PDE8A: variants seen among roughly 807,000 people sequenced by gnomAD.
PDE8A encodes the protein high affinity cAMP-specific and IBMX-insensitive 3',5'-cyclic phosphodiesterase 8A.
In PDE8A, 59 loss-of-function variants were observed where a neutral mutation model predicts 105.0. The ratio of observed to expected loss-of-function variants is 0.56; its 90% CI spans 0.46 to 0.70. The LOEUF (loss-of-function observed/expected upper bound fraction) is 0.70. Among genes scored for constraint, PDE8A ranks in the 30% least tolerant of loss-of-function variants. The probability of loss-of-function intolerance (pLI) is 0.00; values close to 1 mark genes in which losing one functional copy is unlikely to be tolerated. For missense variants in PDE8A, 1,014 were observed against 1,045.9 expected, an observed-to-expected ratio of 0.97 and a Z score of 0.42; for synonymous variants, 355 against 371.9, an observed-to-expected ratio of 0.95 and a Z score of 0.52.
chr15:85,119,090 A>C (rs1206868810), intron 17 of PDE8A, among the ~76,000 whole-genome samples: 3 of 152,226 alleles, frequency 2.0e-5, no homozygotes, highest in Non-Finnish European at 4.4e-5. Context: ...ATGGCTCAGC[A>C]TATAAAGAAC....
intron 1 of PDE8A, among the ~76,000 whole-genome samples, chr15:85,011,002 A>C (rs1376726719): frequency 1.3e-5 from 2 of 152,190 alleles, no homozygotes; most frequent in African/African-American, 4.8e-5. Flanking sequence ...CCTGGAAGTT[A>C]GTTTCAGAGT....
At chr15:84,996,823 CAAAAAAAA>C (rs34363361) in intron 1 of PDE8A, among the ~76,000 whole-genome samples, 3 of 53,824 alleles carry the variant, frequency 5.6e-5, no homozygotes, top group East Asian at 9.8e-4. Flanking sequence ...AAGACTCTCT[CAAAAAAAA>C]AAAAAAAAAA....
At chr15:85,036,957 A>G (rs868595045) in intron 1 of PDE8A, among the ~76,000 whole-genome samples, 17 of 151,574 alleles carry the variant, frequency 1.1e-4, no homozygotes, top group African/African-American at 3.2e-4. Context: ...AACAGTCCCC[A>G]CCCCCAGCTT....
chr15:85,059,903 G>A (rs572157062), intron 1 of PDE8A, among the ~76,000 whole-genome samples: 36 of 152,170 alleles, frequency 2.4e-4, no homozygotes, highest in Non-Finnish European at 4.7e-4. Flanking sequence ...AGCTACTCGG[G>A]AGACTGAAGT....
chr15:85,138,008 C>G lies in PDE8A; in HGVS notation c.*105C>G, dbSNP rs2082440125. 2.9e-6 allele frequency: 2 copies of G among 689,364 alleles called. No individual in the cohort carries two copies. Among genetic ancestry groups the G allele is most frequent in the Non-Finnish European group, 5.2e-6 (2 of 386,918 alleles). 42.7% of individuals were successfully genotyped at this position (689,364 alleles called of 1,614,324 possible). A position where few individuals can be genotyped will look rare whatever the true frequency, so the allele number is the denominator to read the frequency against. ...CCTTTCAGTACTAGGCAGAACAGCC[C>G]CCGATCTGCATAGCCTGTGAAAGCC... On this transcript the variant is annotated 3_prime_UTR_variant, in exon 22 of 22. Coordinates refer to ENST00000394553, the MANE Select transcript of PDE8A (RefSeq NM_002605.3).
At chr15:85,009,581 C>G (rs1291719271) in intron 1 of PDE8A, among the ~76,000 whole-genome samples, 1 of 152,136 alleles carries the variant, frequency 6.6e-6, no homozygotes, top group Non-Finnish European at 1.5e-5. Flanking sequence ...TTTTCCTGGC[C>G]AGTTTTCATC....
At chr15:84,986,672 G>A (rs1354880771) in intron 1 of PDE8A, among the ~76,000 whole-genome samples, 1 of 151,704 alleles carries the variant, frequency 6.6e-6, no homozygotes, top group African/African-American at 2.4e-5. Flanking sequence ...GAGTGCAGTG[G>A]CACAACCATG....
At position 85,102,623 on chromosome 15, in the gene PDE8A, CT is replaced by C. The variant is rs60808514; in HGVS notation, c.1036+2426del. Among the ~76,000 whole-genome samples the C allele has an allele frequency of 5.1e-3, 777 of 151,266 alleles. 2 individuals carry two copies. The highest frequency in any genetic ancestry group is 0.016 in the African/African-American group (673 of 41,224). On this transcript the variant is annotated intron_variant, in intron 11 of 21. Coordinates refer to ENST00000394553, the MANE Select transcript of PDE8A (RefSeq NM_002605.3). Reference sequence around the variant, plus strand: ...TGGGAGGCTGAGGCAGGCAGATCACCTGAGGTCGGGAGTTGAGAGCAGCCTG... The same window carrying C: ...TGGGAGGCTGAGGCAGGCAGATCACCGAGGTCGGGAGTTGAGAGCAGCCTG...
chr15:85,043,680 TTTTGTTTGTTTGTTTG>T (rs148058433), intron 1 of PDE8A, among the ~76,000 whole-genome samples: 2 of 150,122 alleles, frequency 1.3e-5, no homozygotes, highest in Non-Finnish European at 3.0e-5. Flanking sequence ...ATTAATGGTT[TTTTGTTTGTTTGTTTG>T]TTTGTTTGTT....
In PDE8A at chr15:85,051,902, G is replaced by A. The variant is rs189141243; in HGVS notation, c.187-12468G>A. Reference sequence around the variant, plus strand: ...TTTGTTACATATGTATACATGTGCCGTGCTGGTGTGCTGCACCCGTTAACT... The same window carrying A: ...TTTGTTACATATGTATACATGTGCCATGCTGGTGTGCTGCACCCGTTAACT... On this transcript the variant is annotated intron_variant, in intron 1 of 21. Coordinates refer to ENST00000394553, the MANE Select transcript of PDE8A (RefSeq NM_002605.3). 1.4e-4 allele frequency among the ~76,000 whole-genome samples: 22 copies of A among 152,018 alleles called. No individual in the cohort carries two copies. In the East Asian group the frequency reaches 3.3e-3, roughly 23 times the overall value.
chr15:85,113,509 A>C, intron 13 of PDE8A, 62 bp downstream of exon 13: 1 of 1,394,878 alleles, frequency 7.2e-7, no homozygotes, highest in Non-Finnish European at 1.0e-6. Flanking sequence ...CCCAAGGATC[A>C]TTTCCAATGA....
At chr15:84,993,589 T>C (rs893020542) in intron 1 of PDE8A, among the ~76,000 whole-genome samples, 5 of 150,396 alleles carry the variant, frequency 3.3e-5, no homozygotes, top group African/African-American at 9.8e-5. Context: ...AATTAAAAAC[T>C]TTTTTGGGCT....
intron 1 of PDE8A, among the ~76,000 whole-genome samples, chr15:84,993,442 C>CAAA (rs11362736): frequency 0.11 from 8,137 of 72,952 alleles, 846 homozygotes; most frequent in African/African-American, 0.26. Context: ...GACTCCATCT[C>CAAA]AAAAAAAAAA....
At chr15:85,067,557 T>G (rs1297839021) in intron 3 of PDE8A, among the ~76,000 whole-genome samples, 1 of 152,236 alleles carries the variant, frequency 6.6e-6, no homozygotes, top group Non-Finnish European at 1.5e-5. Context: ...TCTTTTAATG[T>G]TCGATGAATG....
intron 1 of PDE8A, among the ~76,000 whole-genome samples, chr15:85,040,067 A>G (rs2080776062): frequency 6.6e-6 from 1 of 152,258 alleles, no homozygotes; most frequent in Non-Finnish European, 1.5e-5. Flanking sequence ...GTATATTTCA[A>G]AATAGCTAAG....
intron 20 of PDE8A, among the ~76,000 whole-genome samples, chr15:85,129,075 G>A (rs566691484): frequency 2.6e-5 from 4 of 152,144 alleles, no homozygotes; most frequent in East Asian, 3.9e-4. Context: ...CTTCATGTGC[G>A]GAACCAATCT....
At chr15:85,126,971 G>T (rs967537580) in intron 20 of PDE8A, among the ~76,000 whole-genome samples, 1 of 152,142 alleles carries the variant, frequency 6.6e-6, no homozygotes, top group Non-Finnish European at 1.5e-5. Context: ...GCTTTGGGAG[G>T]ATCACTTGAG....
chr15:85,042,332 G>T (rs1468809469), intron 1 of PDE8A, among the ~76,000 whole-genome samples: 1 of 152,030 alleles, frequency 6.6e-6, no homozygotes, highest in Non-Finnish European at 1.5e-5. Flanking sequence ...GTACCACCGT[G>T]CCCAGCTAAT....
chr15:85,093,658 C>T (rs921086690), intron 8 of PDE8A, among the ~76,000 whole-genome samples: 3 of 152,216 alleles, frequency 2.0e-5, no homozygotes, highest in African/African-American at 7.2e-5. Context: ...CCATTGTTGT[C>T]AGTGGCTCCT....
Sources: allele counts gnomAD v4.1 joint callset (sites outside exome capture counted in the v4.1 genomes callset), GRCh38; gene constraint gnomAD v4.1.1; transcripts MANE v1.5; gene names NCBI Gene and HGNC (gene_info 2026-07-23, HGNC 2026-07-21).